Variants in FLI1 observed in about 807,000 individuals in gnomAD.
FLI1 encodes the protein Friend leukemia integration 1 transcription factor.
FLI1 carries 13 observed loss-of-function variants against 53.1 expected under a neutral mutation model. The observed-to-expected ratio is 0.24, with a 90% confidence interval of 0.16 to 0.39. FLI1 has a LOEUF of 0.39. Among genes scored for constraint, FLI1 ranks in the 10% least tolerant of loss-of-function variants. The probability of loss-of-function intolerance (pLI) is 1.00; values close to 1 mark genes in which losing one functional copy is unlikely to be tolerated. For synonymous variants in FLI1, 244 were observed against 236.7 expected (o/e 1.03, Z -0.28); for missense variants, 424 against 600.5 (o/e 0.71, Z 3.07).
intron 2 of FLI1, among the ~76,000 whole-genome samples, chr11:128,758,633 G>GCCCAGT: frequency 6.6e-6 from 1 of 152,308 alleles, no homozygotes; most frequent in East Asian, 1.9e-4. Context: ...CCAGGCCCAG[G>GCCCAGT]TCCAGTCCTG....
chr11:128,740,446 C>T (rs1432944016), intron 1 of FLI1, among the ~76,000 whole-genome samples: 2 of 152,238 alleles, frequency 1.3e-5, no homozygotes, highest in Non-Finnish European at 2.9e-5. Flanking sequence ...AAGAACGAGA[C>T]CCCATAAATA....
chr11:128,783,865 G>A (rs1941999426), intron 5 of FLI1, among the ~76,000 whole-genome samples: 1 of 152,052 alleles, frequency 6.6e-6, no homozygotes, highest in Non-Finnish European at 1.5e-5. Flanking sequence ...TTCATTTGTG[G>A]ATAGGGATCC....
At chr11:128,745,761 G>A (rs1274671505) in intron 1 of FLI1, among the ~76,000 whole-genome samples, 2 of 152,230 alleles carry the variant, frequency 1.3e-5, no homozygotes, top group Non-Finnish European at 2.9e-5. Context: ...CGTGAGGCAG[G>A]ACGTCCTTGC....
intron 5 of FLI1, among the ~76,000 whole-genome samples, chr11:128,791,130 G>A (rs1942257362): frequency 1.3e-5 from 2 of 152,094 alleles, no homozygotes; most frequent in African/African-American, 4.8e-5. Flanking sequence ...AGCTCTGTGG[G>A]ACCGCTAGAG....
At chr11:128,794,442 C>CA (rs1236728820) in intron 5 of FLI1, among the ~76,000 whole-genome samples, 3 of 152,126 alleles carry the variant, frequency 2.0e-5, no homozygotes, top group Non-Finnish European at 4.4e-5. Context: ...TCTCATCAAC[C>CA]AAATTCTTTC....
intron 1 of FLI1, among the ~76,000 whole-genome samples, chr11:128,713,091 T>C (rs987976681): frequency 5.3e-5 from 8 of 152,166 alleles, no homozygotes; most frequent in Admixed American, 3.3e-4. Flanking sequence ...CATAAATTTG[T>C]GAGGTGAACT....
At chr11:128,735,967 C>T (rs1939895966) in intron 1 of FLI1, among the ~76,000 whole-genome samples, 1 of 152,084 alleles carries the variant, frequency 6.6e-6, no homozygotes, top group South Asian at 2.1e-4. Flanking sequence ...TGGTTGATCC[C>T]GAAGTTCTTA....
chr11:128,811,706 T>A lies in FLI1; in HGVS notation c.*718T>A, dbSNP rs529222932. 1.4e-4 allele frequency: 28 copies of A among 198,196 alleles called. No individual in the cohort carries two copies. The highest frequency in any genetic ancestry group is 4.3e-4 in the Admixed American group (7 of 16,444). 12.3% of individuals were successfully genotyped at this position (198,196 alleles called of 1,614,324 possible). On this transcript the variant is annotated 3_prime_UTR_variant, in exon 9 of 9. Transcript: ENST00000527786. Reference sequence around the variant, plus strand: ...TAAATTACTAATTTTTTTTTTTTTTTAAATGATGACAGTGGTCCCAGAACT... The same window carrying A: ...TAAATTACTAATTTTTTTTTTTTTTAAAATGATGACAGTGGTCCCAGAACT...
chr11:128,746,894 C>G (rs1041490414), intron 1 of FLI1, among the ~76,000 whole-genome samples: 1 of 152,206 alleles, frequency 6.6e-6, no homozygotes, highest in Admixed American at 6.5e-5. Flanking sequence ...CACATTGACC[C>G]AGCTGGTGGC....
chr11:128,797,411 C>CTTTA (rs2135898740), intron 5 of FLI1, among the ~76,000 whole-genome samples: 1 of 152,354 alleles, frequency 6.6e-6, no homozygotes, highest in African/African-American at 2.4e-5. Flanking sequence ...CAATCTGTCA[C>CTTTA]TTTTCAAAAT....
intron 5 of FLI1, among the ~76,000 whole-genome samples, chr11:128,797,494 A>T (rs1942475113): frequency 6.6e-6 from 1 of 152,254 alleles, no homozygotes; most frequent in Non-Finnish European, 1.5e-5. Context: ...CTATATTTTC[A>T]GAGAAGACCT....
At chr11:128,737,614 A>T (rs1939961904) in intron 1 of FLI1, among the ~76,000 whole-genome samples, 1 of 152,258 alleles carries the variant, frequency 6.6e-6, no homozygotes, top group South Asian at 2.1e-4. Context: ...AAATTTAAAT[A>T]GAGATCGAGG....
chr11:128,770,796 C>A (rs187536765), intron 3 of FLI1, among the ~76,000 whole-genome samples: 191 of 152,298 alleles, frequency 1.3e-3, no homozygotes, highest in African/African-American at 4.5e-3. Flanking sequence ...TGAAAAGGTG[C>A]AAAATTATTT....
chr11:128,705,885 C>G (rs1342390150), intron 1 of FLI1, among the ~76,000 whole-genome samples: 1 of 152,188 alleles, frequency 6.6e-6, no homozygotes, highest in Non-Finnish European at 1.5e-5. Context: ...ATGCGTAGGG[C>G]CAAGCGCCTG....
intron 4 of FLI1, among the ~76,000 whole-genome samples, chr11:128,777,104 G>C (rs959108430): frequency 6.6e-6 from 1 of 152,196 alleles, no homozygotes; most frequent in African/African-American, 2.4e-5. Context: ...TGGCAGAGGA[G>C]CCTTCGCAGC....
intron 1 of FLI1, among the ~76,000 whole-genome samples, chr11:128,750,781 C>T (rs1199596208): frequency 6.6e-6 from 1 of 152,196 alleles, no homozygotes. Flanking sequence ...TGTTGGAAGA[C>T]ACATTTGTAA....
intron 3 of FLI1, among the ~76,000 whole-genome samples, chr11:128,770,119 A>G (rs976939617): frequency 6.6e-6 from 1 of 152,236 alleles, no homozygotes; most frequent in Non-Finnish European, 1.5e-5. Context: ...GGAAATGGGC[A>G]GAAGTGGCCA....
chr11:128,763,797 G>A (rs1565487753), intron 2 of FLI1, among the ~76,000 whole-genome samples: 1 of 152,236 alleles, frequency 6.6e-6, no homozygotes, highest in East Asian at 1.9e-4. Flanking sequence ...CATCTACTGT[G>A]TATGGGGATG....
intron 2 of FLI1, among the ~76,000 whole-genome samples, chr11:128,765,000 C>T (rs1049480040): frequency 3.3e-5 from 5 of 151,400 alleles, no homozygotes; most frequent in African/African-American, 7.3e-5. Context: ...GGCGGGCGAG[C>T]GGCCAAACCG....
Sources: gnomAD v4.1 joint callset for allele counts (sites outside exome capture counted in the v4.1 genomes callset) on GRCh38, gnomAD v4.1.1 for gene constraint, MANE v1.5 for transcripts, NCBI Gene and HGNC (gene_info 2026-07-23, HGNC 2026-07-21) for gene names.